The following ESPL1 variants were observed in gnomAD, a reference collection of about 807,000 sequenced individuals.
ESPL1 encodes extra spindle pole bodies like 1, separase.
ESPL1 carries 50 observed loss-of-function variants against 217.2 expected under a neutral mutation model. The ratio of observed to expected loss-of-function variants is 0.23; its 90% confidence interval spans 0.18 to 0.29. The LOEUF (loss-of-function observed/expected upper bound fraction) is 0.29, where lower values mean the gene tolerates loss of function less well. Among genes scored for constraint, ESPL1 ranks in the 10% least tolerant of loss-of-function variants. The pLI, the probability that ESPL1 is intolerant of heterozygous loss-of-function variation, is 1.00. For missense variants in ESPL1, 1,834 were observed against 2,603.0 expected (o/e 0.70, Z 6.43); for synonymous variants, 994 against 1,081.3 (o/e 0.92, Z 1.58).
rs2120973194 is a variant in ESPL1, at chr12:53,286,572, G to T, written c.3836G>T (p.Gly1279Val). 1.2e-6 allele frequency: 2 copies of T among 1,614,170 alleles called. No individual in the cohort carries two copies. The highest frequency in any genetic ancestry group is 1.1e-5 in the South Asian group (1 of 91,080). Residue 1279 changes from glycine (G) to valine (V), a missense_variant, in exon 18 of 31, where the codon GGC (glycine) becomes GTC (valine). Gly to Val is a moderately radical substitution (Grantham distance 109). Coordinates refer to ENST00000257934, the MANE Select transcript of ESPL1 (RefSeq NM_012291.5). This position sits in a 1 kb window ranked among gnomAD's most constrained non-coding sequence, Gnocchi z 5.3. ...LLIWALTKLGGLSCCTTQLFA... is the reference protein window; with the variant it reads ...LLIWALTKLGVLSCCTTQLFA... ...ATTTGGGCCCTCACAAAACTAGGTG[G>T]CCTCAGCTGCTGTACTACCCAACTT...
At chr12:53,271,827 C>T (rs1433693147) in intron 5 of ESPL1, among the ~76,000 whole-genome samples, 2 of 152,140 alleles carry the variant, frequency 1.3e-5, no homozygotes, top group Admixed American at 6.5e-5. Flanking sequence ...CAGTGGCTCA[C>T]GCCTGTAATC....
Position 53,293,137 on chromosome 12 carries a change from C to A in ESPL1, c.6162-136C>A. Reference sequence around the variant, plus strand: ...TAACCCTTAGCTCCCTTCTGTTCTTCTCTTGTAACCAAGGGCCAAAGGAGT... The same window carrying A: ...TAACCCTTAGCTCCCTTCTGTTCTTATCTTGTAACCAAGGGCCAAAGGAGT... On this transcript the variant is annotated intron_variant, in intron 30 of 30. Coordinates refer to ENST00000257934, the MANE Select transcript of ESPL1 (RefSeq NM_012291.5). The surrounding 1 kb of genome is among the most constrained non-coding windows in gnomAD (Gnocchi z 4.2). 1 of 988,406 alleles carries A rather than the reference C, an allele frequency of 1.0e-6. No individual in the cohort carries two copies. Among genetic ancestry groups the A allele is most frequent in the Non-Finnish European group, 1.5e-6 (1 of 655,700 alleles). 61.2% of individuals were successfully genotyped at this position (988,406 alleles called of 1,614,324 possible). A position where few individuals can be genotyped will look rare whatever the true frequency, so the allele number is the denominator to read the frequency against.
rs749013341 is a variant in ESPL1 at position 53,288,204 on chromosome 12, G to A, written c.4409G>A (p.Arg1470His). 1.2e-4 allele frequency: 186 copies of A among 1,610,820 alleles called. No individual in the cohort carries two copies. Among genetic ancestry groups the A allele is most frequent in the Admixed American group, 6.8e-4 (40 of 59,238 alleles). Residue 1470 changes from arginine to histidine, a missense_variant, in exon 19 of 31, where the codon CGT becomes CAT. Transcript: ENST00000257934. ...GCATCAAGACATTGTGAGGAGCGGC[G>A]TCCCCAGAGGGCCAGTGACCAGGCC... ...KVASRHCEERRPQRASDQARP... is the reference protein window; with the variant it reads ...KVASRHCEERHPQRASDQARP...
intron 5 of ESPL1, among the ~76,000 whole-genome samples, chr12:53,271,999 A>C (rs572099049): frequency 1.3e-5 from 2 of 151,388 alleles, no homozygotes; most frequent in East Asian, 3.9e-4. Context: ...AGGCAGGAGA[A>C]TGGTGTGAAC....
chr12:53,287,058 A>C, intron 18 of ESPL1, 146 bp downstream of exon 18: 1 of 773,876 alleles, frequency 1.3e-6, no homozygotes, highest in Non-Finnish European at 2.0e-6. Flanking sequence ...CAGTACCCCA[A>C]TATCTTGCTT....
Position 53,281,672 on chromosome 12 carries a change from G to T in ESPL1, c.2619+46G>T, listed in dbSNP as rs1046452558. Reference sequence around the variant, plus strand: ...CTCCGAAGGCCCTGGGTATTAGAAAGAATTTAGGATTTTCTTGATATTTGC... The same window carrying T: ...CTCCGAAGGCCCTGGGTATTAGAAATAATTTAGGATTTTCTTGATATTTGC... On this transcript the variant is annotated intron_variant, in intron 13 of 30. Transcript: ENST00000257934. The T allele has an allele frequency of 6.3e-6, 10 of 1,581,784 alleles. No homozygotes were observed. The Admixed American group carries it at 8.9e-5, about 14-fold the overall frequency.
intron 22 of ESPL1, chr12:53,289,846 T>C (rs1565764940): frequency 1.7e-6 from 1 of 604,434 alleles, no homozygotes; most frequent in Non-Finnish European, 2.9e-6. Context: ...TGTGCTAACA[T>C]GAAACATATT....
chr12:53,289,340 AGACTAGAGAG>A (rs773903659), intron 21 of ESPL1, 37 bp downstream of exon 21: 6 of 1,610,116 alleles, frequency 3.7e-6, no homozygotes, highest in Non-Finnish European at 5.1e-6. Context: ...CTGCTGGGGC[AGACTAGAGAG>A]AAGGTCCAGA....
At chr12:53,287,811 C>T (rs1393072589) in intron 18 of ESPL1, 161 bp from the exon 19 acceptor site, 10 of 637,388 alleles carry the variant, frequency 1.6e-5, no homozygotes, top group Admixed American at 3.0e-5. Flanking sequence ...AGTCGCTGCC[C>T]CTGATCTAGA....
rs1314608554 is a variant in ESPL1, at chr12:53,285,029, AAG to A, written c.3187+864_3187+865del. ...CTGACTCAAAAAAAAAAAAAAAAAGAAGAAAGAAAGAAAGAAAGATAATATTT... is the reference window on the plus strand; with the variant it reads ...CTGACTCAAAAAAAAAAAAAAAAAGAAAAGAAAGAAAGAAAGATAATATTT... On this transcript the variant is annotated intron_variant, in intron 17 of 30. Coordinates refer to ENST00000257934, the MANE Select transcript of ESPL1 (RefSeq NM_012291.5). 2.4e-4 allele frequency among the ~76,000 whole-genome samples: 33 copies of A among 139,382 alleles called. 2 individuals are homozygous for A. The highest frequency in any genetic ancestry group is 6.2e-4 in the East Asian group (3 of 4,866). 91.4% of individuals were successfully genotyped at this position (139,382 alleles called of 152,430 possible).
In ESPL1 at chr12:53,270,013, T is replaced by G. The variant is rs915691142; in HGVS notation, c.1071T>G (p.Leu357=). Residue 357 remains leucine (L), a synonymous_variant, in exon 3 of 31, where the codon CTT becomes CTG. Coordinates refer to ENST00000257934, the MANE Select transcript of ESPL1 (RefSeq NM_012291.5). The part of the protein sequence containing the change: ...LERGTKRRYR[L]DAILSLFAFL... Reference sequence around the variant, plus strand: ...GAGGCACCAAGAGGCGCTATAGACTTGATGCCATTCTGAGCCTCTTTGCTT... The same window carrying G: ...GAGGCACCAAGAGGCGCTATAGACTGGATGCCATTCTGAGCCTCTTTGCTT... 6.2e-7 allele frequency: 1 copy of G among 1,614,216 alleles called. No homozygotes were observed. Among genetic ancestry groups the G allele is most frequent in the Non-Finnish European group, 8.5e-7 (1 of 1,180,038 alleles).
chr12:53,286,052 C>G lies in ESPL1; in HGVS notation c.3316C>G (p.Leu1106Val), dbSNP rs759023267. The part of the protein sequence containing the change: ...EEELFLRGPA[L>V]ELVATVAKEP... ...GGAGCTCTTCCTAAGAGGCCCTGCT[C>G]TAGAGCTGGTGGCCACTGTGGCCAA... Residue 1106 changes from leucine to valine, a missense_variant, in exon 18 of 31, where the codon CTA becomes GTA. Transcript: ENST00000257934. The surrounding 1 kb of genome is among the most constrained non-coding windows in gnomAD (Gnocchi z 5.3). 1.9e-5 allele frequency: 30 copies of G among 1,610,914 alleles called. No homozygotes were observed. Among genetic ancestry groups the G allele is most frequent in the Admixed American group, 1.3e-4 (8 of 59,930 alleles).
chr12:53,286,797 G>C lies in ESPL1; in HGVS notation c.4061G>C (p.Arg1354Thr), dbSNP rs779278636. ...PCTPKPPDRI[R>T]QAGPHVPFTV... is the part of the protein sequence containing the mutation. ...ACACCTAAACCCCCAGACCGGATCA[G>C]GCAAGCTGGCCCTCATGTCCCCTTC... Residue 1354 changes from arginine to threonine, a missense_variant, in exon 18 of 31, where the codon AGG becomes ACG. Physicochemically the swap from Arg to Thr is moderately conservative, Grantham distance 71 (BLOSUM62 -1). Transcript: ENST00000257934. This position sits in a 1 kb window ranked among gnomAD's most constrained non-coding sequence, Gnocchi z 5.3. 1 of 1,614,034 alleles carries C rather than the reference G, an allele frequency of 6.2e-7. No homozygotes were observed. Among genetic ancestry groups the C allele is most frequent in the Non-Finnish European group, 8.5e-7 (1 of 1,180,046 alleles).
chr12:53,284,542 C>T (rs1281653383), intron 17 of ESPL1, among the ~76,000 whole-genome samples: 1 of 151,726 alleles, frequency 6.6e-6, no homozygotes, highest in African/African-American at 2.4e-5. Context: ...AGGCATGAGC[C>T]ACCGCTCCCG....
chr12:53,279,558 A>G lies in ESPL1; in HGVS notation c.2365-174A>G, dbSNP rs1432726683. On this transcript the variant is annotated intron_variant, in intron 11 of 30. Transcript: ENST00000257934. ...ATCCTGGCTATTGATGATGAATGGCATCTAGGCTTTAAAACAGTAGGGGTG... is the reference window on the plus strand; with the variant it reads ...ATCCTGGCTATTGATGATGAATGGCGTCTAGGCTTTAAAACAGTAGGGGTG... The G allele has an allele frequency of 8.1e-6, 6 of 737,920 alleles. No homozygotes were observed. The South Asian group carries it at 1.0e-4, about 13-fold the overall frequency. 45.7% of individuals were successfully genotyped at this position (737,920 alleles called of 1,614,324 possible).
In ESPL1 at chr12:53,289,603, G is replaced by A. The variant is rs764587185; in HGVS notation, c.5113+9G>A. 8.1e-6 allele frequency: 13 copies of A among 1,609,624 alleles called. No individual in the cohort carries two copies. In the Admixed American group the frequency reaches 1.8e-4, roughly 23 times the overall value. ...GGCTCTGATCCCCAGTGGTATGCGGGCAGCCTTCTGGCCGGCTCCTCTGTC... is the reference window on the plus strand; with the variant it reads ...GGCTCTGATCCCCAGTGGTATGCGGACAGCCTTCTGGCCGGCTCCTCTGTC... On this transcript the variant is annotated intron_variant, in intron 22 of 30. Coordinates refer to ENST00000257934, the MANE Select transcript of ESPL1 (RefSeq NM_012291.5).
chr12:53,283,987 A>C (rs1238553692), intron 16 of ESPL1, 71 bp from the exon 17 acceptor site: 1 of 1,149,190 alleles, frequency 8.7e-7, no homozygotes, highest in Non-Finnish European at 1.3e-6. Context: ...CCTGGGAAAG[A>C]GGCAAAGAGA....
At chr12:53,275,234 G>A (rs758258936) in intron 7 of ESPL1, among the ~76,000 whole-genome samples, 1 of 152,106 alleles carries the variant, frequency 6.6e-6, no homozygotes, top group Non-Finnish European at 1.5e-5. Flanking sequence ...AGGCCGAGGC[G>A]GGCAGATCAT....
In ESPL1 at chr12:53,292,073, C is replaced by T. The variant is rs778456360; in HGVS notation, c.5781C>T (p.Tyr1927=). ...RLPSFRFLLS[Y]SIIKEYGASP... is the part of the protein sequence containing the mutation. ...CCTCCTTCCGCTTCCTACTCAGCTA[C>T]TCCATCATCAAAGAGGTGGGGTTCA... Residue 1927 remains tyrosine, a synonymous_variant, in exon 27 of 31, where the codon TAC becomes TAT. Transcript: ENST00000257934. The surrounding 1 kb of genome is among the most constrained non-coding windows in gnomAD (Gnocchi z 4.5). The T allele has an allele frequency of 6.2e-7, 1 of 1,613,644 alleles. No individual in the cohort carries two copies. Among genetic ancestry groups the T allele is most frequent in the East Asian group, 2.2e-5 (1 of 44,874 alleles).
Sources: allele counts gnomAD v4.1 joint callset (sites outside exome capture counted in the v4.1 genomes callset), GRCh38; gene constraint gnomAD v4.1.1; non-coding constraint Gnocchi (gnomAD v3.1); transcripts MANE v1.5; gene names NCBI Gene and HGNC (gene_info 2026-07-23, HGNC 2026-07-21).